The following MKLN1 variants were observed in gnomAD, a reference collection of about 807,000 sequenced individuals.
MKLN1 encodes muskelin.
A neutral mutation model predicts 99.0 loss-of-function variants in MKLN1; 18 were observed. That is an observed-to-expected ratio of 0.18 (90% CI 0.13 to 0.27). MKLN1 has a LOEUF of 0.27. MKLN1 is among the 10% of genes least tolerant of loss of function. MKLN1 has a pLI of 1.00. For missense variants in MKLN1, 621 were observed against 875.9 expected (o/e 0.71, Z 3.67); for synonymous variants, 288 against 293.2 (o/e 0.98, Z 0.18).
intron 2 of MKLN1, among the ~76,000 whole-genome samples, chr7:131,185,757 C>T (rs989495873): frequency 6.6e-6 from 1 of 152,036 alleles, no homozygotes. Flanking sequence ...CTTCAATTCC[C>T]GTGTGTGAAA....
At chr7:131,243,665 G>C (rs1797440986) in intron 3 of MKLN1, among the ~76,000 whole-genome samples, 2 of 152,114 alleles carry the variant, frequency 1.3e-5, no homozygotes, top group African/African-American at 4.8e-5. Context: ...TATTGGCCAT[G>C]CTTCTATCCA....
rs1793595271 is a variant in MKLN1, at chr7:131,374,964, G to A, written c.99-460G>A. ...CTTTTTTTTTTTTTTTAAAGACAGA[G>A]TCTTGCTATGTTGCCCAAGCTGGAG... On this transcript the variant is annotated intron_variant, in intron 1 of 17. Transcript: ENST00000352689. 3.4e-5 allele frequency among the ~76,000 whole-genome samples: 5 copies of A among 145,486 alleles called. No individual in the cohort carries two copies. The Admixed American group carries it at 3.4e-4, about 10-fold the overall frequency.
At position 131,409,563 on chromosome 7, in the gene MKLN1, G is replaced by A. The variant is rs530523662; in HGVS notation, c.704-1743G>A. On this transcript the variant is annotated intron_variant, in intron 6 of 17. Transcript: ENST00000352689. ...AAGCCAGCTGAAAAGTCTTGAAAGC[G>A]AAAGGGTTGGTTACAACTGAGCTTC... 1.3e-4 allele frequency among the ~76,000 whole-genome samples: 20 copies of A among 152,274 alleles called. No individual in the cohort carries two copies. The East Asian group carries it at 3.1e-3, about 23-fold the overall frequency.
In MKLN1 at chr7:131,361,797, A is replaced by AT. The variant is rs75467228; in HGVS notation, c.99-13618dup. Among the ~76,000 whole-genome samples, 51 of 148,462 alleles carry AT rather than the reference A, an allele frequency of 3.4e-4. No homozygotes were observed. In the East Asian group the frequency reaches 6.3e-3, roughly 18 times the overall value. ...TCCACTTATTCTCCATTCTTCTCTC[A>AT]TTTTTTTTTGGTTAGCTCTATCTTT... On this transcript the variant is annotated intron_variant, in intron 1 of 17. Transcript: ENST00000352689.
Position 131,472,594 on chromosome 7 carries a change from ATGTGTG to A in MKLN1, c.2031+1676_2031+1681del, listed in dbSNP as rs5887506. 9.4e-3 allele frequency among the ~76,000 whole-genome samples: 1,402 copies of A among 149,182 alleles called. 12 individuals carry two copies. The highest frequency in any genetic ancestry group is 0.023 in the Admixed American group (343 of 14,996). ...GTTAGAAAGAAATGTTGAAGTGTGT[ATGTGTG>A]TGTGTGTGTGTGTGTGTGTGTGTGT... On this transcript the variant is annotated intron_variant, in intron 16 of 17. Coordinates refer to ENST00000352689, the MANE Select transcript of MKLN1 (RefSeq NM_013255.5).
At position 131,385,526 on chromosome 7, in the gene MKLN1, C is replaced by T. The variant is rs374141623; in HGVS notation, c.169-1594C>T. ...TTCTTTACATCTTTGTCAACACTTA[C>T]GGTTTTGCATTTTAAAATTATTATT... On this transcript the variant is annotated intron_variant, in intron 2 of 17. Coordinates refer to ENST00000352689, the MANE Select transcript of MKLN1 (RefSeq NM_013255.5). Among the ~76,000 whole-genome samples, 99 of 152,086 alleles carry T rather than the reference C, an allele frequency of 6.5e-4. 1 individual carries two copies. The highest frequency in any genetic ancestry group is 2.2e-3 in the Admixed American group (33 of 15,270).
intron 8 of MKLN1, 24 bp from the exon 9 acceptor site, chr7:131,429,009 C>T (rs1795442706): frequency 1.3e-6 from 2 of 1,548,952 alleles, no homozygotes; most frequent in Admixed American, 1.7e-5. Context: ...TTTTTTTTTA[C>T]ACATATTTTT....
chr7:131,369,244 A>G (rs1800273766), intron 1 of MKLN1, among the ~76,000 whole-genome samples: 1 of 152,080 alleles, frequency 6.6e-6, no homozygotes, highest in Non-Finnish European at 1.5e-5. Flanking sequence ...TTTCTGTGGG[A>G]TGGATTTTGA....
At chr7:131,447,449 C>G (rs141912816) in intron 12 of MKLN1, among the ~76,000 whole-genome samples, 10 of 152,188 alleles carry the variant, frequency 6.6e-5, no homozygotes, top group African/African-American at 2.4e-4. Context: ...TCTTTAATCC[C>G]AGCACTTTGG....
At chr7:131,189,919 CT>C (rs1225113602) in intron 2 of MKLN1, among the ~76,000 whole-genome samples, 20 of 152,018 alleles carry the variant, frequency 1.3e-4, no homozygotes, top group African/African-American at 4.4e-4. Context: ...ATAGGGCTGT[CT>C]TAGGAAGAAC....
intron 3 of MKLN1, among the ~76,000 whole-genome samples, chr7:131,250,177 G>A (rs1458170627): frequency 1.3e-5 from 2 of 152,194 alleles, no homozygotes; most frequent in Admixed American, 1.3e-4. Context: ...CCACAGGCGA[G>A]TCCTGAAGAG....
chr7:131,435,522 C>T (rs1017618159), intron 9 of MKLN1, among the ~76,000 whole-genome samples: 7 of 151,944 alleles, frequency 4.6e-5, no homozygotes, highest in Non-Finnish European at 8.8e-5. Flanking sequence ...TCCTTAAGTG[C>T]TTGATATAAT....
At position 131,223,188 on chromosome 7, in the gene MKLN1, C is replaced by G. The variant is rs146153961; in HGVS notation, c.-179+20214C>G. Among the ~76,000 whole-genome samples, 12 of 152,318 alleles carry G rather than the reference C, an allele frequency of 7.9e-5. No individual in the cohort carries two copies. The East Asian group carries it at 2.1e-3, about 27-fold the overall frequency. On this transcript the variant is annotated intron_variant, in intron 3 of 7. Coordinates refer to the MKLN1 transcript ENST00000416992. ...TATAGGGATTCTTCCCCACATTCCC[C>G]TTTCAGACCCTTGGGAACAGGGTCA... is the stretch of plus-strand genomic sequence containing the variant.
At chr7:131,196,882 A>G (rs1474197541) in intron 2 of MKLN1, among the ~76,000 whole-genome samples, 1 of 152,216 alleles carries the variant, frequency 6.6e-6, no homozygotes, top group African/African-American at 2.4e-5. Context: ...AGAATTCTAT[A>G]TAGATGTATA....
intron 3 of MKLN1, among the ~76,000 whole-genome samples, chr7:131,229,648 T>A (rs990498502): frequency 6.6e-6 from 1 of 152,130 alleles, no homozygotes; most frequent in Admixed American, 6.6e-5. Flanking sequence ...CTCAACCTCC[T>A]GGGCTCAGGT....
At chr7:131,374,069 A>C (rs1014504277) in intron 1 of MKLN1, among the ~76,000 whole-genome samples, 5 of 152,122 alleles carry the variant, frequency 3.3e-5, no homozygotes, top group Non-Finnish European at 7.4e-5. Flanking sequence ...TTTTTTTAGC[A>C]TTGGCCTGTC....
At chr7:131,462,599 C>T (rs544311016) in intron 12 of MKLN1, among the ~76,000 whole-genome samples, 31 of 152,268 alleles carry the variant, frequency 2.0e-4, no homozygotes, top group African/African-American at 7.2e-4. Flanking sequence ...TGGCAATTGA[C>T]ATTTCCTTTA....
At chr7:131,273,614 T>C (rs1306121003) in intron 3 of MKLN1, among the ~76,000 whole-genome samples, 1 of 149,476 alleles carries the variant, frequency 6.7e-6, no homozygotes. Context: ...TACCTATGGC[T>C]GACTTTTTTT....
At chr7:131,449,247 C>T (rs1356210361) in intron 12 of MKLN1, among the ~76,000 whole-genome samples, 1 of 152,062 alleles carries the variant, frequency 6.6e-6, no homozygotes, top group African/African-American at 2.4e-5. Context: ...GGGACTGGTA[C>T]GTATTGAGGA....
Sources: allele counts gnomAD v4.1 joint callset (sites outside exome capture counted in the v4.1 genomes callset), GRCh38; gene constraint gnomAD v4.1.1; transcripts MANE v1.5; gene names NCBI Gene and HGNC (gene_info 2026-07-23, HGNC 2026-07-21).